RB1CC1: variants seen among roughly 807,000 people sequenced by gnomAD.
RB1CC1 encodes RB1 inducible coiled-coil 1, also known as RB1-inducible coiled-coil protein 1.
A neutral mutation model predicts 177.5 loss-of-function variants in RB1CC1; 46 were observed. The ratio of observed to expected loss-of-function variants is 0.26; its 90% CI spans 0.20 to 0.33. The LOEUF is 0.33. Ranked by LOEUF, RB1CC1 falls within the 10% of genes least tolerant of loss-of-function variation. RB1CC1 has a pLI of 1.00. For synonymous variants in RB1CC1, 666 were observed against 613.6 expected, an observed-to-expected ratio of 1.09 and a Z score of -1.26; for missense variants, 1,703 against 1,816.3, an observed-to-expected ratio of 0.94 and a Z score of 1.13.
chr8:52,643,673 A>G (rs1849762227), intron 16 of RB1CC1, among the ~76,000 whole-genome samples: 1 of 143,848 alleles, frequency 7.0e-6, no homozygotes, highest in African/African-American at 2.6e-5. Context: ...TGAATGACAG[A>G]GTAAGACCCT....
intron 5 of RB1CC1, among the ~76,000 whole-genome samples, chr8:52,678,274 G>A (rs1450963809): frequency 4.6e-5 from 7 of 152,052 alleles, no homozygotes; most frequent in African/African-American, 7.2e-5. Flanking sequence ...AAAATTAGCT[G>A]GGTGTGGTGG....
intron 1 of RB1CC1, among the ~76,000 whole-genome samples, chr8:52,709,659 G>A (rs1284702435): frequency 2.6e-5 from 4 of 152,188 alleles, no homozygotes; most frequent in African/African-American, 9.7e-5. Context: ...GATCATCTGA[G>A]CCCACGAGGC....
At chr8:52,627,932 G>A in intron 22 of RB1CC1, 100 bp downstream of exon 22, 1 of 1,072,774 alleles carries the variant, frequency 9.3e-7, no homozygotes, top group Non-Finnish European at 1.3e-6. Flanking sequence ...TTCCCTCTTA[G>A]TGACTTAATT....
intron 7 of RB1CC1, among the ~76,000 whole-genome samples, chr8:52,668,732 C>T (rs1266585558): frequency 6.6e-6 from 1 of 152,118 alleles, no homozygotes; most frequent in East Asian, 1.9e-4. Flanking sequence ...TCCGATAATG[C>T]TCCTGGTCCC....
chr8:52,692,124 G>T (rs1191102569), intron 1 of RB1CC1, among the ~76,000 whole-genome samples: 1 of 152,126 alleles, frequency 6.6e-6, no homozygotes, highest in Non-Finnish European at 1.5e-5. Context: ...TTAGCCAGGG[G>T]TGTGAACACA....
intron 19 of RB1CC1, 121 bp downstream of exon 19, chr8:52,635,894 A>T: frequency 1.6e-6 from 2 of 1,229,164 alleles, no homozygotes; most frequent in Non-Finnish European, 1.1e-6. Context: ...AAAATAAGTT[A>T]ATCATAAAAA....
chr8:52,658,215 A>G (rs1851254836), intron 13 of RB1CC1, 91 bp from the exon 14 acceptor site: 7 of 1,303,770 alleles, frequency 5.4e-6, no homozygotes, highest in Non-Finnish European at 7.4e-6. Flanking sequence ...CAAAAATAAC[A>G]AGAGCCTTAT....
intron 1 of RB1CC1, among the ~76,000 whole-genome samples, chr8:52,689,898 C>T (rs1431597911): frequency 6.6e-6 from 1 of 151,964 alleles, no homozygotes; most frequent in Non-Finnish European, 1.5e-5. Context: ...TACCACTGCA[C>T]TCCAGCCTAG....
At chr8:52,635,069 C>T (rs534101604) in intron 19 of RB1CC1, 101 bp from the exon 20 acceptor site, 11 of 1,100,400 alleles carry the variant, frequency 1.0e-5, no homozygotes, top group African/African-American at 4.9e-5. Flanking sequence ...ATGTTTGGTT[C>T]GGGTATGAAA....
At chr8:52,630,407 T>C in intron 21 of RB1CC1, 63 bp downstream of exon 21, 1 of 1,498,776 alleles carries the variant, frequency 6.7e-7, no homozygotes, top group Admixed American at 2.5e-5. Context: ...CTGAAATACA[T>C]TTTCATTAAC....
At position 52,623,372 on chromosome 8, in the gene RB1CC1, A is replaced by G. The variant is rs1270597463; in HGVS notation, c.*410T>C. 6.9e-6 allele frequency: 2 copies of G among 290,542 alleles called. No homozygotes were observed. Among genetic ancestry groups the G allele is most frequent in the African/African-American group, 4.5e-5 (2 of 44,592 alleles). The allele number at this position is 290,542 out of a possible 1,614,324, so 18.0% of individuals were successfully genotyped here. The stretch of plus-strand genomic sequence containing the variant: ...TATAAAGAATGTGTTAAAGAGTGCA[A>G]GTATTCTGATACTGATTTCACAAAA... On this transcript the variant is annotated 3_prime_UTR_variant, in exon 24 of 24. Coordinates refer to ENST00000025008, the MANE Select transcript of RB1CC1 (RefSeq NM_014781.5).
intron 7 of RB1CC1, among the ~76,000 whole-genome samples, chr8:52,670,794 CTGGCCAACA>C (rs1852499269): frequency 6.6e-6 from 1 of 152,084 alleles, no homozygotes; most frequent in African/African-American, 2.4e-5. Context: ...CAAAGCCAGC[CTGGCCAACA>C]TGGCCAAACT....
chr8:52,639,913 T>C (rs1182559657), intron 18 of RB1CC1, among the ~76,000 whole-genome samples: 2 of 152,224 alleles, frequency 1.3e-5, no homozygotes, highest in Admixed American at 6.5e-5. Context: ...GATTAACTTG[T>C]ATCATGTTCT....
chr8:52,646,009 T>G, intron 15 of RB1CC1, 142 bp from the exon 16 acceptor site: 2 of 795,622 alleles, frequency 2.5e-6, no homozygotes, highest in Non-Finnish European at 3.9e-6. Flanking sequence ...TCTTTGAATC[T>G]AAAAAGTAAA....
At chr8:52,633,517 T>C (rs1057495775) in intron 20 of RB1CC1, among the ~76,000 whole-genome samples, 2 of 152,212 alleles carry the variant, frequency 1.3e-5, no homozygotes, top group African/African-American at 2.4e-5. Context: ...CTACAAAATA[T>C]GTGATTTTTG....
intron 7 of RB1CC1, among the ~76,000 whole-genome samples, chr8:52,670,658 G>A (rs1322985571): frequency 6.6e-6 from 1 of 152,166 alleles, no homozygotes; most frequent in East Asian, 1.9e-4. Context: ...AAATCAGTGT[G>A]CCTTTTGTAG....
At chr8:52,707,425 TTTC>T (rs971659111) in intron 1 of RB1CC1, among the ~76,000 whole-genome samples, 6 of 129,706 alleles carry the variant, frequency 4.6e-5, no homozygotes, top group African/African-American at 1.3e-4. Flanking sequence ...TTTCTTTTTC[TTTC>T]TTTCTTTTTT....
intron 8 of RB1CC1, among the ~76,000 whole-genome samples, chr8:52,664,953 A>G (rs922999924): frequency 5.9e-5 from 9 of 152,148 alleles, no homozygotes; most frequent in Non-Finnish European, 1.3e-4. Flanking sequence ...ACTAATAGCA[A>G]TATTTTAATA....
intron 1 of RB1CC1, among the ~76,000 whole-genome samples, 199 bp downstream of exon 1, chr8:52,713,876 C>A (rs912776533): frequency 3.9e-5 from 6 of 152,188 alleles, no homozygotes; most frequent in African/African-American, 1.4e-4. Flanking sequence ...CAGGGGCTGT[C>A]GCGCCGGGAA....
Sources: gnomAD v4.1 joint callset for allele counts (sites outside exome capture counted in the v4.1 genomes callset) on GRCh38, gnomAD v4.1.1 for gene constraint, MANE v1.5 for transcripts, NCBI Gene and HGNC (gene_info 2026-07-23, HGNC 2026-07-21) for gene names.